Variants in PACRGL observed in about 807,000 individuals in gnomAD.
PACRGL encodes parkin coregulated like.
In PACRGL, 38 loss-of-function variants were observed where a neutral mutation model predicts 34.5. The observed-to-expected ratio is 1.10, with a 90% CI of 0.85 to 1.44. PACRGL has a LOEUF of 1.44. Among genes scored for constraint, PACRGL ranks in the 40% most tolerant of loss-of-function variants. The pLI is 0.00. For missense variants in PACRGL, 305 were observed against 281.4 expected, an observed-to-expected ratio of 1.08 and a Z score of -0.60; for synonymous variants, 128 against 100.1, an observed-to-expected ratio of 1.28 and a Z score of -1.66.
At chr4:20,749,670 T>C in intron 8 of PACRGL, 1 of 1,603,348 alleles carries the variant, frequency 6.2e-7, no homozygotes, top group Non-Finnish European at 8.5e-7. Context: ...ACCTCGAAAC[T>C]CACAGCTCCA....
At position 20,719,981 on chromosome 4, in the gene PACRGL, C is replaced by A. The variant is rs563421932; in HGVS notation, c.610-4827C>A. Among the ~76,000 whole-genome samples, 499 of 152,164 alleles carry A rather than the reference C, an allele frequency of 3.3e-3. 1 individual carries two copies. The highest frequency in any genetic ancestry group is 0.017 in the Middle Eastern group (5 of 294). On this transcript the variant is annotated intron_variant, in intron 7 of 8. Coordinates refer to ENST00000503585, the MANE Select transcript of PACRGL (RefSeq NM_001258345.3). Reference sequence around the variant, plus strand: ...TGGGAGTCGAAATCTCTTTGTAGGTCACTCAGGACTTGCTTTATGAATCTG... The same window carrying A: ...TGGGAGTCGAAATCTCTTTGTAGGTAACTCAGGACTTGCTTTATGAATCTG...
chr4:20,749,572 G>T, intron 8 of PACRGL: 1 of 871,520 alleles, frequency 1.1e-6, no homozygotes, highest in Non-Finnish European at 1.8e-6. Context: ...TTTCCCCTGA[G>T]CAAAAATAAT....
chr4:20,748,001 C>T (rs28637181), intron 8 of PACRGL, among the ~76,000 whole-genome samples: 50,083 of 151,992 alleles, frequency 0.33, 8,717 homozygotes, highest in African/African-American at 0.44. Flanking sequence ...TCATGCTTCA[C>T]CTCCAATACC....
chr4:20,750,312 A>C (rs1753374428), intron 8 of PACRGL, among the ~76,000 whole-genome samples: 3 of 152,112 alleles, frequency 2.0e-5, no homozygotes, highest in Non-Finnish European at 4.4e-5. Context: ...AGCCAGTACC[A>C]GGCTAGCCCA....
In PACRGL at chr4:20,727,507, A is replaced by G; in HGVS notation, c.*166A>G. On this transcript the variant is annotated 3_prime_UTR_variant, in exon 9 of 9. Transcript: ENST00000503585. The stretch of plus-strand genomic sequence containing the variant: ...AAGTTATTCATCAACAAAAAAGAAC[A>G]GTTACTAATGGAAAGTTATTAAAAT... The G allele has an allele frequency of 5.5e-6, 3 of 542,326 alleles. No individual in the cohort carries two copies. Among genetic ancestry groups the G allele is most frequent in the East Asian group, 5.7e-5 (2 of 35,302 alleles). 33.6% of individuals were successfully genotyped at this position (542,326 alleles called of 1,614,324 possible).
At chr4:20,724,723 G>A (rs966676223) in intron 7 of PACRGL, 85 bp from the exon 8 acceptor site, 3 of 611,776 alleles carry the variant, frequency 4.9e-6, no homozygotes, top group Non-Finnish European at 7.3e-6. Context: ...TAAAACAAGG[G>A]GTGCTCCTGA....
chr4:20,713,411 C>G, intron 6 of PACRGL, 21 bp from the exon 7 acceptor site: 5 of 1,595,114 alleles, frequency 3.1e-6, no homozygotes, highest in Non-Finnish European at 4.3e-6. Context: ...CCATACATCC[C>G]CCAACTAACC....
At chr4:20,713,668 A>G in intron 7 of PACRGL, 129 bp downstream of exon 7, 2 of 665,818 alleles carry the variant, frequency 3.0e-6, no homozygotes, top group South Asian at 4.1e-5. Context: ...ACTGCTTTGA[A>G]TGTGTCCCAG....
intron 1 of PACRGL, among the ~76,000 whole-genome samples, chr4:20,701,160 C>G (rs1731999689): frequency 6.6e-6 from 1 of 152,154 alleles, no homozygotes; most frequent in Non-Finnish European, 1.5e-5. Context: ...GCTCTGCTGA[C>G]TGAGAATTGT....
In PACRGL at chr4:20,716,064, C is replaced by A. The variant is rs1460078469; in HGVS notation, c.609+2525C>A. On this transcript the variant is annotated intron_variant, in intron 7 of 8. Coordinates refer to ENST00000503585, the MANE Select transcript of PACRGL (RefSeq NM_001258345.3). ...AATTGCATTCAGGAAGAGACCTTTT[C>A]CTGATATGTATAACTTTAATCTTTA... 3 of 1,494,802 alleles carry A rather than the reference C, an allele frequency of 2.0e-6. No individual in the cohort carries two copies. The African/African-American group carries it at 4.3e-5, about 21-fold the overall frequency. 92.6% of individuals were successfully genotyped at this position (1,494,802 alleles called of 1,614,324 possible). A position where few individuals can be genotyped will look rare whatever the true frequency, so the allele number is the denominator to read the frequency against.
upstream of PACRGL, among the ~76,000 whole-genome samples, chr4:20,698,841 T>G (rs1731388668): frequency 6.6e-6 from 1 of 152,230 alleles, no homozygotes; most frequent in African/African-American, 2.4e-5. Flanking sequence ...TTCACCTGAA[T>G]AATTGCACTA....
chr4:20,714,054 G>A (rs1738598844), intron 7 of PACRGL, among the ~76,000 whole-genome samples: 2 of 152,072 alleles, frequency 1.3e-5, no homozygotes, highest in Non-Finnish European at 2.9e-5. Context: ...GGGTATCCTT[G>A]TTAACTTTCT....
At chr4:20,739,374 A>G (rs1286955717) in intron 8 of PACRGL, among the ~76,000 whole-genome samples, 2 of 152,162 alleles carry the variant, frequency 1.3e-5, no homozygotes, top group African/African-American at 4.8e-5. Flanking sequence ...TGCCCCTCTA[A>G]GACAAAGCTT....
downstream of PACRGL, chr4:20,732,624 A>G (rs1013747804): frequency 1.1e-5 from 12 of 1,100,558 alleles, no homozygotes; most frequent in Non-Finnish European, 1.7e-5. Context: ...TGCATGGCAA[A>G]CATCAGGAAA....
chr4:20,713,480 C>G lies in PACRGL; in HGVS notation c.550C>G (p.Gln184Glu), dbSNP rs1738275599. Residue 184 changes from glutamine (Q) to glutamate (E), a missense_variant, in exon 7 of 9, where the codon CAG (glutamine) becomes GAG (glutamate). Physicochemically the swap from Gln to Glu is conservative, Grantham distance 29 (BLOSUM62 2). Coordinates refer to ENST00000503585, the MANE Select transcript of PACRGL (RefSeq NM_001258345.3). ...VFERGLNALVQLSVVVGPSLN... is the reference protein window; with the variant it reads ...VFERGLNALVELSVVVGPSLN... ...TGAAAGAGGATTGAATGCTCTAGTTCAGCTAAGTGTCGTTGTTGGTCCTTC... is the reference window on the plus strand; with the variant it reads ...TGAAAGAGGATTGAATGCTCTAGTTGAGCTAAGTGTCGTTGTTGGTCCTTC... 6.2e-7 allele frequency: 1 copy of G among 1,613,734 alleles called. No homozygotes were observed. The highest frequency in any genetic ancestry group is 8.5e-7 in the Non-Finnish European group (1 of 1,179,786).
downstream of PACRGL, among the ~76,000 whole-genome samples, chr4:20,735,023 C>T (rs1749251374): frequency 6.6e-6 from 1 of 152,180 alleles, no homozygotes. Context: ...GTGGTATTGG[C>T]TTTCCACTGC....
chr4:20,755,764 A>G (rs1754363615), downstream of PACRGL, among the ~76,000 whole-genome samples: 1 of 152,154 alleles, frequency 6.6e-6, no homozygotes, highest in African/African-American at 2.4e-5. Context: ...GTGATGAGAT[A>G]TTGAGATAGA....
At chr4:20,735,135 A>G (rs984758692), downstream of PACRGL, among the ~76,000 whole-genome samples, 2 of 152,246 alleles carry the variant, frequency 1.3e-5, no homozygotes, top group African/African-American at 4.8e-5. Context: ...CTAATAAGAA[A>G]TGTGGCTGTC....
intron 7 of PACRGL, among the ~76,000 whole-genome samples, chr4:20,721,434 T>G (rs944041429): frequency 6.6e-6 from 1 of 152,092 alleles, no homozygotes; most frequent in Non-Finnish European, 1.5e-5. Flanking sequence ...TTCTGCTCTG[T>G]TTTTTCCCCA....
Sources: gnomAD v4.1 joint callset for allele counts (sites outside exome capture counted in the v4.1 genomes callset) on GRCh38, gnomAD v4.1.1 for gene constraint, MANE v1.5 for transcripts, NCBI Gene and HGNC (gene_info 2026-07-23, HGNC 2026-07-21) for gene names.